Variants in MSH4 observed in about 807,000 individuals in gnomAD.
The protein encoded by MSH4 is mutS homolog 4.
In MSH4, 106 loss-of-function variants were observed where a neutral mutation model predicts 113.7. The observed-to-expected ratio is 0.93, with a 90% CI of 0.80 to 1.10. The LOEUF (loss-of-function observed/expected upper bound fraction) is 1.10, where lower values mean the gene tolerates loss of function less well. Among genes scored for constraint, MSH4 ranks in the 50% least tolerant of loss-of-function variants. MSH4 has a pLI of 0.00. For missense variants in MSH4, 1,061 were observed against 1,093.7 expected (o/e 0.97, Z 0.42); for synonymous variants, 368 against 380.2 (o/e 0.97, Z 0.37).
At chr1:75,826,338 A>G (rs919987814) in intron 7 of MSH4, among the ~76,000 whole-genome samples, 1 of 152,042 alleles carries the variant, frequency 6.6e-6, no homozygotes, top group Admixed American at 6.6e-5. Context: ...TATTGTGTCT[A>G]TTTGATTCTT....
intron 8 of MSH4, among the ~76,000 whole-genome samples, chr1:75,865,007 C>T (rs1302739492): frequency 6.6e-6 from 1 of 152,048 alleles, no homozygotes; most frequent in African/African-American, 2.4e-5. Context: ...CCCCATTTTC[C>T]TTACCTCTGG....
At position 75,912,803 on chromosome 1, in the gene MSH4, A is replaced by G; in HGVS notation, c.2727A>G (p.Leu909=). 6.3e-7 allele frequency: 1 copy of G among 1,594,564 alleles called. No homozygotes were observed. Among genetic ancestry groups the G allele is most frequent in the South Asian group, 1.1e-5 (1 of 88,244 alleles). Residue 909 remains leucine (L), a synonymous_variant, in exon 20 of 20, where the codon TTA becomes TTG. Coordinates refer to ENST00000263187, the MANE Select transcript of MSH4 (RefSeq NM_002440.4). ...ARNSQLDPDS[L]RIYLSNLKKK... Reference sequence around the variant, plus strand: ...ACTCTCAATTGGATCCAGACAGTTTACGAATATATTTAAGTAACCTCAAGA... The same window carrying G: ...ACTCTCAATTGGATCCAGACAGTTTGCGAATATATTTAAGTAACCTCAAGA...
At chr1:75,805,359 T>C (rs1257924092) in intron 2 of MSH4, among the ~76,000 whole-genome samples, 1 of 149,312 alleles carries the variant, frequency 6.7e-6, no homozygotes, top group Non-Finnish European at 1.5e-5. Flanking sequence ...TTACCTTTTT[T>C]ATTTTTTTTA....
chr1:75,910,361 C>G (rs913330551), intron 19 of MSH4, among the ~76,000 whole-genome samples: 3 of 152,062 alleles, frequency 2.0e-5, no homozygotes, highest in African/African-American at 7.2e-5. Context: ...GAATTATTCT[C>G]TCCTGGATAT....
chr1:75,823,521 C>T (rs1650476803), intron 7 of MSH4, among the ~76,000 whole-genome samples: 1 of 152,046 alleles, frequency 6.6e-6, no homozygotes, highest in Admixed American at 6.6e-5. Context: ...AGGTTTGTCA[C>T]ATAGGTATAC....
Position 75,867,562 on chromosome 1 carries a change from A to G in MSH4, c.1279A>G (p.Thr427Ala), listed in dbSNP as rs749869577. The change falls in exon 9 of 20, where the codon ACC becomes GCC. Residue 427 changes from threonine (T) to alanine (A), a missense_variant. Coordinates refer to ENST00000263187, the MANE Select transcript of MSH4 (RefSeq NM_002440.4). ...AACAAATTTAATATACTTAAAACAT[A>G]CCTTGGAACTTGTGGATCCTTTAAA... ...KITNLIYLKH[T>A]LELVDPLKIA... 12 of 1,596,476 alleles carry G rather than the reference A, an allele frequency of 7.5e-6. No individual in the cohort carries two copies. The Admixed American group carries it at 2.1e-4, about 28-fold the overall frequency.
At chr1:75,816,744 A>G (rs1367368026) in intron 6 of MSH4, among the ~76,000 whole-genome samples, 198 bp downstream of exon 6, 1 of 152,126 alleles carries the variant, frequency 6.6e-6, no homozygotes, top group Non-Finnish European at 1.5e-5. Context: ...CTTCTGTCTC[A>G]GCCTCCCAAG....
At chr1:75,824,712 C>T (rs1234688675) in intron 7 of MSH4, among the ~76,000 whole-genome samples, 4 of 152,128 alleles carry the variant, frequency 2.6e-5, no homozygotes, top group Non-Finnish European at 5.9e-5. Flanking sequence ...TTCCTAGCAC[C>T]GTTTATTAAA....
rs1651900277 is a variant in MSH4 at position 75,880,166 on chromosome 1, G to T, written c.1781+13G>T. 1.5e-6 allele frequency: 2 copies of T among 1,336,536 alleles called. No homozygotes were observed. The highest frequency in any genetic ancestry group is 2.1e-6 in the Non-Finnish European group (2 of 955,924). The allele number at this position is 1,336,536 out of a possible 1,614,324, so 82.8% of individuals were successfully genotyped here. A position where few individuals can be genotyped will look rare whatever the true frequency, so the allele number is the denominator to read the frequency against. On this transcript the variant is annotated intron_variant, in intron 13 of 19. Transcript: ENST00000263187. ...ACATGACTTATATGTAAGAGCATTT[G>T]AAGTATTTGAATATTGAATTAAATT...
chr1:75,880,158 G>C lies in MSH4; in HGVS notation c.1781+5G>C, dbSNP rs762383519. 1 of 1,428,074 alleles carries C rather than the reference G, an allele frequency of 7.0e-7. No homozygotes were observed. The highest frequency in any genetic ancestry group is 9.7e-7 in the Non-Finnish European group (1 of 1,030,022). The allele number at this position is 1,428,074 out of a possible 1,614,324, so 88.5% of individuals were successfully genotyped here. On this transcript the variant is annotated splice_donor_5th_base_variant and intron_variant, in intron 13 of 19. Coordinates refer to ENST00000263187, the MANE Select transcript of MSH4 (RefSeq NM_002440.4). ...AATCTATCACATGACTTATATGTAA[G>C]AGCATTTGAAGTATTTGAATATTGA... is the stretch of plus-strand genomic sequence containing the variant.
intron 9 of MSH4, among the ~76,000 whole-genome samples, chr1:75,870,494 C>T (rs11161790): frequency 0.54 from 81,901 of 151,958 alleles, 22,848 homozygotes; most frequent in South Asian, 0.71. Context: ...TTGTAATAAT[C>T]CCCACATGTC....
chr1:75,816,311 G>T, intron 5 of MSH4, 62 bp from the exon 6 acceptor site: 1 of 1,117,214 alleles, frequency 9.0e-7, no homozygotes, highest in Non-Finnish European at 1.2e-6. Context: ...TTTTTCTTAA[G>T]GGGAAATAGA....
chr1:75,891,726 T>C (rs1232701232), intron 17 of MSH4, among the ~76,000 whole-genome samples: 2 of 152,214 alleles, frequency 1.3e-5, no homozygotes, highest in African/African-American at 4.8e-5. Context: ...AGTGCTGTGA[T>C]TGCAGGCTGA....
chr1:75,816,254 G>T (rs915573817), intron 5 of MSH4, 119 bp from the exon 6 acceptor site: 2 of 547,522 alleles, frequency 3.7e-6, no homozygotes, highest in African/African-American at 1.9e-5. Context: ...AATACCTGGT[G>T]TACCTTTTCC....
At chr1:75,844,668 T>C (rs1359312032) in intron 7 of MSH4, among the ~76,000 whole-genome samples, 2 of 152,198 alleles carry the variant, frequency 1.3e-5, no homozygotes, top group African/African-American at 4.8e-5. Flanking sequence ...TGGGGATATT[T>C]AAAAGGGATA....
chr1:75,838,499 C>T (rs975436243), intron 7 of MSH4, among the ~76,000 whole-genome samples: 4 of 152,150 alleles, frequency 2.6e-5, no homozygotes, highest in African/African-American at 7.2e-5. Context: ...AAGCAGATCT[C>T]TTTGGGGGTC....
intron 14 of MSH4, among the ~76,000 whole-genome samples, chr1:75,882,990 G>C (rs1168282069): frequency 2.0e-5 from 3 of 151,848 alleles, no homozygotes; most frequent in Non-Finnish European, 2.9e-5. Context: ...ATGAGTACTT[G>C]GTTCTTTTTT....
chr1:75,878,016 T>C, intron 10 of MSH4, 133 bp from the exon 11 acceptor site: 1 of 646,478 alleles, frequency 1.5e-6, no homozygotes, highest in South Asian at 2.1e-5. Flanking sequence ...AATTTAAATA[T>C]TTGTTGCTTA....
At chr1:75,868,721 G>T (rs2881786) in intron 9 of MSH4, among the ~76,000 whole-genome samples, 114,538 of 152,088 alleles carry the variant, frequency 0.75, 43,277 homozygotes, top group East Asian at 0.98. Flanking sequence ...GTCTCACAAG[G>T]TCTGATGGTT....
Sources: allele counts gnomAD v4.1 joint callset (sites outside exome capture counted in the v4.1 genomes callset), GRCh38; gene constraint gnomAD v4.1.1; transcripts MANE v1.5; gene names NCBI Gene and HGNC (gene_info 2026-07-23, HGNC 2026-07-21).